The following CCDC171 variants were observed in gnomAD, a reference collection of about 807,000 sequenced individuals.
CCDC171 encodes the protein coiled-coil domain containing 171.
In CCDC171, 177 loss-of-function variants were observed where a neutral mutation model predicts 168.2. The ratio of observed to expected loss-of-function variants is 1.05; its 90% CI spans 0.93 to 1.19. CCDC171 has a LOEUF of 1.19. CCDC171 is among the 50% of genes most tolerant of loss of function. The probability of loss-of-function intolerance (pLI) is 0.00; values close to 1 mark genes in which losing one functional copy is unlikely to be tolerated. For missense variants in CCDC171, 1,991 were observed against 1,539.0 expected, an observed-to-expected ratio of 1.29 and a Z score of -4.91; for synonymous variants, 687 against 540.8, an observed-to-expected ratio of 1.27 and a Z score of -3.75.
intron 24 of CCDC171, among the ~76,000 whole-genome samples, chr9:15,896,888 C>A (rs984524941): frequency 6.6e-6 from 1 of 151,946 alleles, no homozygotes; most frequent in African/African-American, 2.4e-5. Flanking sequence ...CAGAAAACTT[C>A]TTATAAATAA....
At chr9:15,797,979 C>G (rs2058642115) in intron 21 of CCDC171, among the ~76,000 whole-genome samples, 1 of 152,126 alleles carries the variant, frequency 6.6e-6, no homozygotes, top group Non-Finnish European at 1.5e-5. Flanking sequence ...TTACTGGACT[C>G]TGTCTCTGTT....
At chr9:16,028,212 G>A (rs1432749137) in intron 6 of CCDC171, among the ~76,000 whole-genome samples, 3 of 152,176 alleles carry the variant, frequency 2.0e-5, no homozygotes, top group Non-Finnish European at 1.5e-5. Flanking sequence ...AGACACTGAG[G>A]TCCAATCTGA....
In CCDC171 at chr9:15,777,727, T is replaced by C. The variant is rs372097004; in HGVS notation, c.2799T>C (p.Tyr933=). The C allele has an allele frequency of 1.9e-5, 31 of 1,613,806 alleles. No individual in the cohort carries two copies. Among genetic ancestry groups the C allele is most frequent in the South Asian group, 7.7e-5 (7 of 91,010 alleles). ...TGCACAGTAGCAGGAGTATTACATATGTAGAAAAAGATTCCCTGGTTCAGA... is the reference window on the plus strand; with the variant it reads ...TGCACAGTAGCAGGAGTATTACATACGTAGAAAAAGATTCCCTGGTTCAGA... ...IPLHSSRSIT[Y]VEKDSLVQRL... Residue 933 remains tyrosine, a synonymous_variant, in exon 19 of 26, where the codon TAT becomes TAC. Transcript: ENST00000380701.
At chr9:15,826,974 G>T (rs1301249437) in intron 21 of CCDC171, among the ~76,000 whole-genome samples, 1 of 152,132 alleles carries the variant, frequency 6.6e-6, no homozygotes, top group Admixed American at 6.5e-5. Context: ...TCACATTTAA[G>T]AATGAAGAAA....
intron 16 of CCDC171, among the ~76,000 whole-genome samples, chr9:15,737,862 C>G (rs1026229877): frequency 1.3e-5 from 2 of 152,056 alleles, no homozygotes; most frequent in African/African-American, 4.8e-5. Flanking sequence ...TGAGGAACTG[C>G]CAAACTGTTT....
chr9:15,811,610 A>G (rs2059359707), intron 21 of CCDC171, among the ~76,000 whole-genome samples: 1 of 152,198 alleles, frequency 6.6e-6, no homozygotes, highest in Non-Finnish European at 1.5e-5. Context: ...AACTTTAAGT[A>G]AGTGTGGATT....
the CCDC171 span, among the ~76,000 whole-genome samples, chr9:16,104,114 G>C: frequency 6.6e-6 from 1 of 151,908 alleles, no homozygotes; most frequent in African/African-American, 2.4e-5. Context: ...CTCTTTCTCT[G>C]TTACTTAAAT....
intron 9 of CCDC171, among the ~76,000 whole-genome samples, chr9:15,674,268 T>C (rs2049349919): frequency 6.6e-6 from 1 of 152,148 alleles, no homozygotes; most frequent in Admixed American, 6.6e-5. Context: ...TTATTAATAT[T>C]GCTAGCAGTC....
chr9:16,105,502 A>G, the CCDC171 span, among the ~76,000 whole-genome samples: 5 of 152,152 alleles, frequency 3.3e-5, no homozygotes, highest in African/African-American at 1.2e-4. Context: ...CAAAGTGGAC[A>G]TCAGATTTCA....
At chr9:15,911,738 G>T (rs1310166100) in intron 24 of CCDC171, among the ~76,000 whole-genome samples, 1 of 152,096 alleles carries the variant, frequency 6.6e-6, no homozygotes. Flanking sequence ...GTGTAAGGAA[G>T]GGGGTCCAGT....
chr9:15,665,342 C>G (rs967172033), intron 8 of CCDC171, among the ~76,000 whole-genome samples: 1 of 152,044 alleles, frequency 6.6e-6, no homozygotes, highest in Non-Finnish European at 1.5e-5. Context: ...ATATTTCAGT[C>G]AAATAGTATT....
chr9:15,647,288 A>C (rs1175409772), intron 7 of CCDC171, among the ~76,000 whole-genome samples: 1 of 152,218 alleles, frequency 6.6e-6, no homozygotes, highest in Non-Finnish European at 1.5e-5. Context: ...AAATGCCCAC[A>C]AGAGAAAGCA....
Position 15,678,674 on chromosome 9 carries a change from C to A in CCDC171, c.1077-84C>A, listed in dbSNP as rs1428669894. 4 of 1,112,584 alleles carry A rather than the reference C, an allele frequency of 3.6e-6. 1 individual carries two copies. In the Admixed American group the frequency reaches 8.4e-5, roughly 23 times the overall value. 68.9% of individuals were successfully genotyped at this position (1,112,584 alleles called of 1,614,324 possible). A position where few individuals can be genotyped will look rare whatever the true frequency, so the allele number is the denominator to read the frequency against. On this transcript the variant is annotated intron_variant, in intron 9 of 25. Coordinates refer to ENST00000380701, the MANE Select transcript of CCDC171 (RefSeq NM_173550.4). ...TAGCATGAACACATGATATGTAGTA[C>A]ATCTGCCATATGTATTAAAGGTGTG... is the stretch of plus-strand genomic sequence containing the variant.
At chr9:15,899,235 A>G (rs7048588) in intron 24 of CCDC171, among the ~76,000 whole-genome samples, 2,114 of 152,266 alleles carry the variant, frequency 0.014, 50 homozygotes, top group African/African-American at 0.047. Flanking sequence ...TTAGCCATTC[A>G]TTCACTGAAG....
At chr9:15,862,266 C>G (rs2061592492) in intron 23 of CCDC171, among the ~76,000 whole-genome samples, 1 of 151,158 alleles carries the variant, frequency 6.6e-6, no homozygotes, top group Non-Finnish European at 1.5e-5. Context: ...TTATTATTTT[C>G]TTCCTCCGAC....
intron 3 of CCDC171, among the ~76,000 whole-genome samples, chr9:15,994,066 G>A (rs560349653): frequency 1.1e-4 from 17 of 152,282 alleles, no homozygotes; most frequent in African/African-American, 3.6e-4. Context: ...AATACCATTT[G>A]ACCCAGCCAT....
chr9:15,976,148 G>T (rs1831613374), downstream of CCDC171, among the ~76,000 whole-genome samples: 2 of 152,160 alleles, frequency 1.3e-5, no homozygotes, highest in Non-Finnish European at 2.9e-5. Flanking sequence ...ATACATTTGT[G>T]CTGCTTTAAG....
intron 9 of CCDC171, among the ~76,000 whole-genome samples, chr9:15,674,729 T>G (rs897875446): frequency 6.6e-6 from 1 of 152,212 alleles, no homozygotes; most frequent in South Asian, 2.1e-4. Context: ...GAGAGACAGT[T>G]TGTTATAATT....
chr9:15,907,051 G>T (rs1050856551), intron 24 of CCDC171, among the ~76,000 whole-genome samples: 59 of 152,148 alleles, frequency 3.9e-4, no homozygotes, highest in Middle Eastern at 3.2e-3. Context: ...TGGGTAGGAA[G>T]AATCAATATC....
Sources: gnomAD v4.1 joint callset for allele counts (sites outside exome capture counted in the v4.1 genomes callset) on GRCh38, gnomAD v4.1.1 for gene constraint, MANE v1.5 for transcripts, NCBI Gene and HGNC (gene_info 2026-07-23, HGNC 2026-07-21) for gene names.